DNAJC5B: variants seen among roughly 807,000 people sequenced by gnomAD.
DNAJC5B encodes the protein dnaJ homolog subfamily C member 5B.
Under a neutral mutation model 24.7 loss-of-function variants are expected in DNAJC5B, and 23 were observed. The observed-to-expected ratio is 0.93, with a 90% CI of 0.67 to 1.32. The LOEUF is 1.32. Ranked by LOEUF, DNAJC5B falls within the 40% of genes most tolerant of loss-of-function variation. The pLI is 0.00. For synonymous variants in DNAJC5B, 101 were observed against 90.1 expected (o/e 1.12, Z -0.68); for missense variants, 238 against 240.8 (o/e 0.99, Z 0.08).
chr8:66,016,981 T>C (rs929556195), upstream of DNAJC5B, among the ~76,000 whole-genome samples: 1 of 152,108 alleles, frequency 6.6e-6, no homozygotes, highest in Non-Finnish European at 1.5e-5. Flanking sequence ...TATCACGAAG[T>C]CAAATATAAT....
chr8:66,033,477 A>G (rs1806404910), intron 1 of DNAJC5B, among the ~76,000 whole-genome samples: 1 of 152,178 alleles, frequency 6.6e-6, no homozygotes, highest in South Asian at 2.1e-4. Flanking sequence ...GAATCATCTC[A>G]TCCATGTAAG....
chr8:66,026,584 G>T (rs868620340), intron 1 of DNAJC5B, among the ~76,000 whole-genome samples: 1 of 152,220 alleles, frequency 6.6e-6, no homozygotes, highest in African/African-American at 2.4e-5. Flanking sequence ...TCTCCGACAC[G>T]CGCAGGACAC....
At chr8:66,015,402 AT>A in the DNAJC5B span, among the ~76,000 whole-genome samples, 25 of 149,718 alleles carry the variant, frequency 1.7e-4, no homozygotes, top group South Asian at 4.2e-4. Context: ...GTAGTAGATC[AT>A]TTTTTTTTTC....
intron 2 of DNAJC5B, 120 bp from the exon 3 acceptor site, chr8:66,051,411 A>G: frequency 1.5e-6 from 1 of 664,380 alleles, no homozygotes; most frequent in East Asian, 2.6e-5. Flanking sequence ...CTCTTTTTGT[A>G]GTTGGTACAC....
chr8:66,036,714 C>T (rs1806493582), intron 1 of DNAJC5B, among the ~76,000 whole-genome samples: 1 of 152,170 alleles, frequency 6.6e-6, no homozygotes, highest in African/African-American at 2.4e-5. Flanking sequence ...GTGGGTCGGC[C>T]TTGCTTTAGG....
At chr8:66,039,508 C>T (rs1806562414) in intron 1 of DNAJC5B, among the ~76,000 whole-genome samples, 1 of 152,096 alleles carries the variant, frequency 6.6e-6, no homozygotes, top group Non-Finnish European at 1.5e-5. Flanking sequence ...ACCACCATGC[C>T]TGGCTCATTT....
intron 1 of DNAJC5B, among the ~76,000 whole-genome samples, chr8:66,037,273 A>G (rs1461828933): frequency 6.6e-6 from 1 of 152,112 alleles, no homozygotes; most frequent in African/African-American, 2.4e-5. Context: ...CAGAGCATTC[A>G]TGGTTCTGGA....
chr8:66,050,006 C>T (rs1044457630), intron 2 of DNAJC5B, among the ~76,000 whole-genome samples: 3 of 152,186 alleles, frequency 2.0e-5, no homozygotes, highest in Admixed American at 2.0e-4. Context: ...ATCGATAAAG[C>T]AGACATAACT....
chr8:66,076,689 A>G lies in DNAJC5B; in HGVS notation c.149A>G (p.Lys50Arg). 6.2e-7 allele frequency: 1 copy of G among 1,614,154 alleles called. No homozygotes were observed. Among genetic ancestry groups the G allele is most frequent in the Non-Finnish European group, 8.5e-7 (1 of 1,180,008 alleles). ...RKLALKHHPD[K>R]NPDDPAATEK... ...TTGGCCCTGAAACACCATCCAGACA[A>G]GAATCCAGATGATCCAGCTGCTACT... The change falls in exon 4 of 6, where the codon AAG becomes AGG. Residue 50 changes from lysine to arginine, a missense_variant. Physicochemically the swap from Lys to Arg is conservative, Grantham distance 26. Coordinates refer to ENST00000276570, the MANE Select transcript of DNAJC5B (RefSeq NM_033105.6).
chr8:66,024,022 T>C (rs538058462), intron 1 of DNAJC5B, among the ~76,000 whole-genome samples: 1 of 152,328 alleles, frequency 6.6e-6, no homozygotes, highest in Admixed American at 6.5e-5. Context: ...TAAATATAAA[T>C]AGAGACCTAA....
At chr8:66,077,337 G>A (rs1455330830) in intron 4 of DNAJC5B, among the ~76,000 whole-genome samples, 1 of 152,138 alleles carries the variant, frequency 6.6e-6, no homozygotes, top group African/African-American at 2.4e-5. Flanking sequence ...TAGAGGAGAA[G>A]GAAATTAGGG....
intron 3 of DNAJC5B, among the ~76,000 whole-genome samples, chr8:66,053,168 T>C (rs916895506): frequency 6.8e-6 from 1 of 146,688 alleles, no homozygotes; most frequent in South Asian, 2.1e-4. Context: ...GAACCCCTGA[T>C]TCAAGTAATC....
chr8:66,058,054 C>T (rs1807004261), intron 3 of DNAJC5B: 2 of 152,168 alleles, frequency 1.3e-5, no homozygotes, highest in African/African-American at 4.8e-5. Flanking sequence ...GGTGTGTGTC[C>T]TCCCACCCTC....
chr8:66,068,319 G>T (rs1807268329), intron 3 of DNAJC5B, among the ~76,000 whole-genome samples: 1 of 151,876 alleles, frequency 6.6e-6, no homozygotes, highest in South Asian at 2.1e-4. Flanking sequence ...ATGAGACTGA[G>T]AATTTTTTTT....
chr8:66,052,118 AT>A (rs748199400), intron 3 of DNAJC5B, among the ~76,000 whole-genome samples: 3,407 of 136,264 alleles, frequency 0.025, 114 homozygotes, highest in African/African-American at 0.07. Flanking sequence ...CACCCAGCTA[AT>A]TTTTTTTTTT....
chr8:66,042,023 G>T lies in DNAJC5B; in HGVS notation c.-141-1465G>T, dbSNP rs140250777. Among the ~76,000 whole-genome samples the T allele has an allele frequency of 1.6e-3, 250 of 152,152 alleles. 1 individual carries two copies. The highest frequency in any genetic ancestry group is 5.6e-3 in the African/African-American group (234 of 41,518). The stretch of plus-strand genomic sequence containing the variant: ...ATCTCTGCCCAGTTGTTTTTGTTCA[G>T]GGAAGCTTTCTCTAATCTTCCTCTG... On this transcript the variant is annotated intron_variant, in intron 1 of 5. Coordinates refer to ENST00000276570, the MANE Select transcript of DNAJC5B (RefSeq NM_033105.6).
At chr8:66,077,405 C>G (rs1234507193) in intron 4 of DNAJC5B, among the ~76,000 whole-genome samples, 1 of 151,998 alleles carries the variant, frequency 6.6e-6, no homozygotes, top group Non-Finnish European at 1.5e-5. Context: ...GAGATGGGGA[C>G]AGAGAGCAAA....
intron 5 of DNAJC5B, among the ~76,000 whole-genome samples, chr8:66,088,921 C>T (rs1807787252): frequency 6.6e-6 from 1 of 152,218 alleles, no homozygotes; most frequent in South Asian, 2.1e-4. Flanking sequence ...GCCCTCCAAA[C>T]TGTTCCAACC....
intron 5 of DNAJC5B, 108 bp downstream of exon 5, chr8:66,080,656 A>C: frequency 2.1e-6 from 2 of 935,530 alleles, no homozygotes; most frequent in Non-Finnish European, 3.1e-6. Context: ...CCCACAACCA[A>C]ATGGGTGGAA....
Sources: gnomAD v4.1 joint callset for allele counts (sites outside exome capture counted in the v4.1 genomes callset) on GRCh38, gnomAD v4.1.1 for gene constraint, MANE v1.5 for transcripts, NCBI Gene and HGNC (gene_info 2026-07-23, HGNC 2026-07-21) for gene names.